Variants in ZFYVE26 observed in about 807,000 individuals in gnomAD.
ZFYVE26 encodes zinc finger FYVE-type containing 26.
Under a neutral mutation model 276.5 loss-of-function variants are expected in ZFYVE26, and 181 were observed. That is an observed-to-expected ratio of 0.65 (90% CI 0.58 to 0.74). ZFYVE26 has a LOEUF of 0.74. Among genes scored for constraint, ZFYVE26 ranks in the 30% least tolerant of loss-of-function variants. The probability of loss-of-function intolerance (pLI) is 0.00; values close to 1 mark genes in which losing one functional copy is unlikely to be tolerated. For missense variants in ZFYVE26, 2,821 were observed against 3,097.9 expected, an observed-to-expected ratio of 0.91 and a Z score of 2.12; for synonymous variants, 1,129 against 1,203.1, an observed-to-expected ratio of 0.94 and a Z score of 1.27.
At chr14:67,760,059 A>C (rs1198723727) in intron 35 of ZFYVE26, among the ~76,000 whole-genome samples, 1 of 152,186 alleles carries the variant, frequency 6.6e-6, no homozygotes, top group African/African-American at 2.4e-5. Context: ...CTTATTTCCT[A>C]GCTCTGACAA....
chr14:67,737,485 C>T (rs2038365931), intron 13 of ZFYVE26, among the ~76,000 whole-genome samples: 1 of 152,084 alleles, frequency 6.6e-6, no homozygotes, highest in Non-Finnish European at 1.5e-5. Context: ...TGAGAACTCT[C>T]TCACTATCAC....
At chr14:67,778,824 C>T (rs568016194) in intron 23 of ZFYVE26, among the ~76,000 whole-genome samples, 7 of 152,054 alleles carry the variant, frequency 4.6e-5, no homozygotes, top group African/African-American at 9.6e-5. Context: ...AATGTCCTCC[C>T]CACAACCCTG....
chr14:67,793,485 G>T (rs2039873245), intron 14 of ZFYVE26, 123 bp downstream of exon 14: 3 of 1,116,714 alleles, frequency 2.7e-6, no homozygotes, highest in Non-Finnish European at 3.9e-6. Context: ...ACCCCCTCTT[G>T]CTTCTGCTTC....
Position 67,793,607 on chromosome 14 carries a change from C to A in ZFYVE26, c.2553+1G>T. On this transcript the variant is annotated splice_donor_variant, in intron 14 of 41. Transcript: ENST00000347230. LOFTEE classifies it high-confidence loss of function. Reference sequence around the variant, plus strand: ...GCTGAAAAGGTATGGCCTCCCCTCACCTGATGGGCTTCTGCGAAGTTCCCG... The same window carrying A: ...GCTGAAAAGGTATGGCCTCCCCTCAACTGATGGGCTTCTGCGAAGTTCCCG... 1.9e-6 allele frequency: 3 copies of A among 1,613,498 alleles called. No individual in the cohort carries two copies. Among genetic ancestry groups the A allele is most frequent in the Non-Finnish European group, 2.5e-6 (3 of 1,179,710 alleles).
intron 9 of ZFYVE26, among the ~76,000 whole-genome samples, 183 bp downstream of exon 9, chr14:67,803,918 A>G (rs2040126290): frequency 6.6e-6 from 1 of 152,210 alleles, no homozygotes; most frequent in Non-Finnish European, 1.5e-5. Flanking sequence ...CTCACCAAGG[A>G]AGAGGAGGAA....
At chr14:67,729,831 T>C (rs548861307) in intron 13 of ZFYVE26, 75 of 469,978 alleles carry the variant, frequency 1.6e-4, no homozygotes, top group African/African-American at 1.1e-3. Flanking sequence ...TGTTGAAATA[T>C]AGAAGTAGAA....
Position 67,772,171 on chromosome 14 carries a change from C to A in ZFYVE26, c.5360G>T (p.Ser1787Ile), listed in dbSNP as rs759642399. 1 of 1,613,258 alleles carries A rather than the reference C, an allele frequency of 6.2e-7. No individual in the cohort carries two copies. The highest frequency in any genetic ancestry group is 1.1e-5 in the South Asian group (1 of 90,834). ...SIHSPSLRER[S>I]FPPTQPSQEF... Reference sequence around the variant, plus strand: ...CTGTGAGGGCTGGGTTGGTGGGAAACTCCTTTCCCTTAGACTAGGGGAATG... The same window carrying A: ...CTGTGAGGGCTGGGTTGGTGGGAAAATCCTTTCCCTTAGACTAGGGGAATG... Residue 1787 changes from serine to isoleucine, a missense_variant, in exon 28 of 42, where the codon AGT (serine) becomes ATT (isoleucine). By Grantham distance (142) the Ser-to-Ile change is moderately radical. Transcript: ENST00000347230.
chr14:67,789,481 G>A lies in ZFYVE26; in HGVS notation c.2873C>T (p.Ala958Val), dbSNP rs1299399066. The A allele has an allele frequency of 6.2e-7, 1 of 1,614,208 alleles. No individual in the cohort carries two copies. Among genetic ancestry groups the A allele is most frequent in the Non-Finnish European group, 8.5e-7 (1 of 1,180,044 alleles). ...GTCTTCCAGAACCTCTCTCAGGGGA[G>A]CAGTGGGCTCCACTAGAGCCGTGCT... Reference protein sequence around the residue: ...WISTALVEPTAPLREVLEDLS... With the variant: ...WISTALVEPTVPLREVLEDLS... Residue 958 changes from alanine to valine, a missense_variant, in exon 16 of 42, where the codon GCT (alanine) becomes GTT (valine). By Grantham distance (64) the Ala-to-Val change is moderately conservative. Transcript: ENST00000347230.
chr14:67,772,957 T>TA (rs1285795414), intron 27 of ZFYVE26, among the ~76,000 whole-genome samples: 1 of 151,696 alleles, frequency 6.6e-6, no homozygotes, highest in African/African-American at 2.4e-5. Flanking sequence ...GAGACTCTCT[T>TA]AAAAAAGAAA....
At chr14:67,767,978 G>T (rs2039102928) in intron 30 of ZFYVE26, 138 bp from the exon 31 acceptor site, 1 of 1,227,552 alleles carries the variant, frequency 8.1e-7, no homozygotes, top group Non-Finnish European at 1.2e-6. Context: ...GGTTCCTTTT[G>T]TTTGCTTTAG....
intron 24 of ZFYVE26, 113 bp from the exon 25 acceptor site, chr14:67,777,848 C>T: frequency 7.4e-7 from 1 of 1,351,392 alleles, no homozygotes; most frequent in Admixed American, 1.8e-5. Context: ...CTAACCCTTT[C>T]TCTATACTCC....
intron 13 of ZFYVE26, among the ~76,000 whole-genome samples, chr14:67,731,401 G>C (rs2038273414): frequency 6.6e-6 from 1 of 151,596 alleles, no homozygotes; most frequent in Admixed American, 6.6e-5. Context: ...TTCTAGTAGA[G>C]ATGGAGTTTT....
chr14:67,805,687 CT>C, intron 6 of ZFYVE26, 69 bp from the exon 7 acceptor site: 1 of 1,547,234 alleles, frequency 6.5e-7, no homozygotes, highest in Non-Finnish European at 8.9e-7. Context: ...GCTTACTGCT[CT>C]TTAGAGAAAG....
chr14:67,810,875 AGT>A (rs139434942), intron 3 of ZFYVE26, among the ~76,000 whole-genome samples: 2 of 151,562 alleles, frequency 1.3e-5, no homozygotes, highest in Admixed American at 6.6e-5. Context: ...TGTGTGTGAG[AGT>A]GTGTGTGTGT....
downstream of ZFYVE26, among the ~76,000 whole-genome samples, chr14:67,745,296 C>T (rs1594875053): frequency 6.6e-6 from 1 of 152,118 alleles, no homozygotes; most frequent in African/African-American, 2.4e-5. Context: ...CTTGTAGATT[C>T]TGGATATTAG....
rs189754316 is a variant in ZFYVE26 at position 67,771,661 on chromosome 14, G to A, written c.5484+386C>T. ...GTGTATAGTCACACTGTCATTAAGA[G>A]GCAGAGCCAGGATTAGAACCCAGGC... On this transcript the variant is annotated intron_variant, in intron 28 of 41. Transcript: ENST00000347230. 2.1e-3 allele frequency among the ~76,000 whole-genome samples: 327 copies of A among 152,298 alleles called. 1 individual carries two copies. The highest frequency in any genetic ancestry group is 9.1e-3 in the South Asian group (44 of 4,826).
chr14:67,804,278 T>C lies in ZFYVE26; in HGVS notation c.1272-14A>G, dbSNP rs1341145969. ...GGTATGGGGTTGCTGAATGGAAAAG[T>C]TGGGAGGATGGAAGAGAGGCAGTTT... On this transcript the variant is annotated splice_polypyrimidine_tract_variant and intron_variant, in intron 8 of 41. Coordinates refer to ENST00000347230, the MANE Select transcript of ZFYVE26 (RefSeq NM_015346.4). 6.2e-7 allele frequency: 1 copy of C among 1,614,082 alleles called. No homozygotes were observed.
chr14:67,754,724 C>T (rs1383545065), intron 37 of ZFYVE26, among the ~76,000 whole-genome samples: 1 of 152,030 alleles, frequency 6.6e-6, no homozygotes, highest in Non-Finnish European at 1.5e-5. Context: ...GGCCAGGGAT[C>T]GATGCTTAGC....
At chr14:67,789,723 A>G in intron 15 of ZFYVE26, 125 bp from the exon 16 acceptor site, 1 of 1,240,010 alleles carries the variant, frequency 8.1e-7, no homozygotes. Context: ...TTTCATGTAT[A>G]TTAGCACTAT....
Sources: gnomAD v4.1 joint callset for allele counts (sites outside exome capture counted in the v4.1 genomes callset) on GRCh38, gnomAD v4.1.1 for gene constraint, MANE v1.5 for transcripts, NCBI Gene and HGNC (gene_info 2026-07-23, HGNC 2026-07-21) for gene names.